CTNND2: variants seen among roughly 807,000 people sequenced by gnomAD.
The protein encoded by CTNND2 is catenin delta 2, also known as catenin delta-2.
Under a neutral mutation model 144.4 loss-of-function variants are expected in CTNND2, and 22 were observed. The observed-to-expected ratio is 0.15, with a 90% CI of 0.11 to 0.22. CTNND2 has a LOEUF of 0.22. Among genes scored for constraint, CTNND2 ranks in the 10% least tolerant of loss-of-function variants. The pLI, the probability that CTNND2 is intolerant of heterozygous loss-of-function variation, is 1.00. For synonymous variants in CTNND2, 751 were observed against 695.6 expected, an observed-to-expected ratio of 1.08 and a Z score of -1.25; for missense variants, 1,353 against 1,618.8, an observed-to-expected ratio of 0.84 and a Z score of 2.82.
intron 2 of CTNND2, among the ~76,000 whole-genome samples, chr5:11,644,099 C>A (rs78153849): frequency 0.016 from 2,372 of 152,010 alleles, 52 homozygotes; most frequent in African/African-American, 0.053. Context: ...GTCTAGCGGC[C>A]GACTTTATTA....
At chr5:11,870,725 T>C (rs755516656) in intron 1 of CTNND2, among the ~76,000 whole-genome samples, 1 of 152,184 alleles carries the variant, frequency 6.6e-6, no homozygotes, top group Non-Finnish European at 1.5e-5. Context: ...CATGAAGAGG[T>C]GGCCCCAGCA....
chr5:11,110,383 C>T (rs1752840552), intron 14 of CTNND2, among the ~76,000 whole-genome samples: 1 of 152,156 alleles, frequency 6.6e-6, no homozygotes, highest in Admixed American at 6.5e-5. Context: ...TACCCCATTT[C>T]CAATGGAAAG....
intron 3 of CTNND2, among the ~76,000 whole-genome samples, chr5:11,514,377 C>A (rs1771960211): frequency 6.6e-6 from 1 of 152,128 alleles, no homozygotes; most frequent in Admixed American, 6.5e-5. Flanking sequence ...TTGCCATATT[C>A]TGGAAAGAAG....
At chr5:11,519,418 C>G (rs1280891847) in intron 3 of CTNND2, among the ~76,000 whole-genome samples, 3 of 152,138 alleles carry the variant, frequency 2.0e-5, no homozygotes, top group Admixed American at 6.5e-5. Context: ...CAGCACTGAA[C>G]CCAGCTGACA....
chr5:11,344,785 T>A (rs1264452991), intron 9 of CTNND2, among the ~76,000 whole-genome samples: 1 of 152,054 alleles, frequency 6.6e-6, no homozygotes, highest in East Asian at 1.9e-4. Context: ...AAGAGCTGTG[T>A]CAATATATTG....
intron 3 of CTNND2, among the ~76,000 whole-genome samples, chr5:11,442,825 GATTATATT>G (rs1764387477): frequency 2.1e-5 from 3 of 143,996 alleles, no homozygotes; most frequent in African/African-American, 7.5e-5. Context: ...AATATATAAT[GATTATATT>G]ATAATTTTAT....
At chr5:11,775,939 T>C (rs983770182) in intron 1 of CTNND2, among the ~76,000 whole-genome samples, 4 of 151,832 alleles carry the variant, frequency 2.6e-5, no homozygotes, top group African/African-American at 7.3e-5. Flanking sequence ...AAGACGGCCA[T>C]ATGAAGGTGG....
intron 3 of CTNND2, among the ~76,000 whole-genome samples, chr5:11,450,324 C>T (rs1013103846): frequency 5.9e-5 from 9 of 152,128 alleles, no homozygotes; most frequent in African/African-American, 1.9e-4. Context: ...TCCCAGGACT[C>T]GAGTGTTGAG....
chr5:11,277,160 G>C (rs1274057283), intron 9 of CTNND2, among the ~76,000 whole-genome samples: 1 of 151,536 alleles, frequency 6.6e-6, no homozygotes, highest in Non-Finnish European at 1.5e-5. Context: ...TTCTTTCCTA[G>C]AGCAGTGAGA....
chr5:11,380,112 C>T (rs926771041), intron 7 of CTNND2, among the ~76,000 whole-genome samples: 5 of 152,144 alleles, frequency 3.3e-5, no homozygotes, highest in African/African-American at 9.7e-5. Context: ...TAAGATGCTC[C>T]GCTAGGATGC....
chr5:11,425,139 T>C (rs1762677060), intron 3 of CTNND2, among the ~76,000 whole-genome samples: 1 of 152,256 alleles, frequency 6.6e-6, no homozygotes, highest in African/African-American at 2.4e-5. Context: ...TTAAAAATGA[T>C]ATTTTTGCTT....
At chr5:11,055,379 C>G (rs535271515) in intron 16 of CTNND2, among the ~76,000 whole-genome samples, 1 of 152,190 alleles carries the variant, frequency 6.6e-6, no homozygotes, top group Non-Finnish European at 1.5e-5. Context: ...GACTCTTAGC[C>G]CTGGGGTGAG....
At chr5:11,113,156 A>C (rs1444616051) in intron 13 of CTNND2, among the ~76,000 whole-genome samples, 1 of 152,152 alleles carries the variant, frequency 6.6e-6, no homozygotes, top group Non-Finnish European at 1.5e-5. Context: ...GAAAAACAAA[A>C]AAACAAGCAA....
rs1232425326 is a variant in CTNND2, at chr5:11,384,972, G to A, written c.870C>T (p.Ala290=). 6 of 1,543,660 alleles carry A rather than the reference G, an allele frequency of 3.9e-6. No individual in the cohort carries two copies. The East Asian group carries it at 1.2e-4, about 31-fold the overall frequency. Residue 290 remains alanine (A), a synonymous_variant, in exon 7 of 22, where the codon GCC becomes GCT. Coordinates refer to ENST00000304623, the MANE Select transcript of CTNND2 (RefSeq NM_001332.4). The surrounding 1 kb of genome is among the most constrained non-coding windows in gnomAD (Gnocchi z 5.2). ...LQRGGSAPEG[A]TYAAPRGSSP... is the part of the protein sequence containing the mutation. ...AGGAGCCGCGCGGCGCGGCGTAGGT[G>A]GCGCCCTCGGGGGCCGAGCCGCCGC...
intron 10 of CTNND2, among the ~76,000 whole-genome samples, chr5:11,202,898 G>A (rs1307980022): frequency 6.6e-6 from 1 of 151,966 alleles, no homozygotes; most frequent in Non-Finnish European, 1.5e-5. Flanking sequence ...TCCTCCTCCC[G>A]GGTTCAAGCA....
intron 3 of CTNND2, among the ~76,000 whole-genome samples, chr5:11,460,560 G>A (rs1417614392): frequency 6.6e-6 from 1 of 152,088 alleles, no homozygotes. Flanking sequence ...CCCCATTGGG[G>A]GCCCCTGTGC....
chr5:10,986,586 T>G, intron 20 of CTNND2: 1 of 452,076 alleles, frequency 2.2e-6, no homozygotes, highest in Non-Finnish European at 4.4e-6. Flanking sequence ...TCTTTGTTCC[T>G]GTTCATCTAC....
At chr5:11,776,006 G>T (rs931697304) in intron 1 of CTNND2, among the ~76,000 whole-genome samples, 1 of 152,150 alleles carries the variant, frequency 6.6e-6, no homozygotes, top group African/African-American at 2.4e-5. Flanking sequence ...TGGCAATCAC[G>T]AGAAGCTGGA....
intron 1 of CTNND2, among the ~76,000 whole-genome samples, chr5:11,756,559 C>T (rs897427062): frequency 1.3e-5 from 2 of 151,484 alleles, no homozygotes; most frequent in African/African-American, 4.8e-5. Flanking sequence ...TGCTAGTTTT[C>T]CCCTATCCAT....
Sources: allele counts gnomAD v4.1 joint callset (sites outside exome capture counted in the v4.1 genomes callset), GRCh38; gene constraint gnomAD v4.1.1; non-coding constraint Gnocchi (gnomAD v3.1); transcripts MANE v1.5; gene names NCBI Gene and HGNC (gene_info 2026-07-23, HGNC 2026-07-21).